IFT88: variants seen among roughly 807,000 people sequenced by gnomAD.
IFT88 encodes intraflagellar transport 88, also known as intraflagellar transport protein 88 homolog.
A neutral mutation model predicts 119.5 loss-of-function variants in IFT88; 74 were observed. That is an observed-to-expected ratio of 0.62 (90% confidence interval 0.51 to 0.75). IFT88 has a LOEUF of 0.75. IFT88 is among the 30% of genes least tolerant of loss of function. IFT88 has a pLI of 0.00. For missense variants in IFT88, 961 were observed against 977.7 expected, an observed-to-expected ratio of 0.98 and a Z score of 0.23; for synonymous variants, 279 against 316.7, an observed-to-expected ratio of 0.88 and a Z score of 1.26.
rs73165480 is a variant in IFT88, at chr13:20,689,526, C to A, written c.2243-1179C>A. On this transcript the variant is annotated intron_variant, in intron 24 of 25. Coordinates refer to ENST00000351808, the MANE Select transcript of IFT88 (RefSeq NM_006531.5). ...GACATTGGTTGTCATATCTTATGTACCCATGAGTCAAAGAACTGTGTATGC... is the reference window on the plus strand; with the variant it reads ...GACATTGGTTGTCATATCTTATGTAACCATGAGTCAAAGAACTGTGTATGC... Among the ~76,000 whole-genome samples, 247 of 152,232 alleles carry A rather than the reference C, an allele frequency of 1.6e-3. No homozygotes were observed. In the Middle Eastern group the frequency reaches 0.024, roughly 15 times the overall value.
At chr13:20,666,118 A>G (rs1429103265) in intron 23 of IFT88, among the ~76,000 whole-genome samples, 3 of 152,220 alleles carry the variant, frequency 2.0e-5, no homozygotes, top group East Asian at 1.9e-4. Context: ...AATGCGTAGT[A>G]TGGTGGACAG....
chr13:20,576,588 G>T (rs1348217641), intron 2 of IFT88, among the ~76,000 whole-genome samples: 8 of 152,094 alleles, frequency 5.3e-5, no homozygotes, highest in African/African-American at 1.9e-4. Flanking sequence ...TCTGCATGTG[G>T]ATATTCAATT....
intron 17 of IFT88, 64 bp from the exon 18 acceptor site, chr13:20,641,226 T>C (rs373422441): frequency 4.7e-6 from 4 of 849,164 alleles, no homozygotes; most frequent in Non-Finnish European, 7.4e-6. Context: ...TATTCTGTTA[T>C]GTTAAATAAA....
intron 17 of IFT88, 58 bp from the exon 18 acceptor site, chr13:20,641,228 TTAAA>T (rs2049902077): frequency 2.3e-6 from 2 of 855,706 alleles, no homozygotes; most frequent in Non-Finnish European, 3.7e-6. Flanking sequence ...TTCTGTTATG[TTAAA>T]TAAATTAATA....
At chr13:20,594,181 C>A (rs1232199040) in intron 7 of IFT88, among the ~76,000 whole-genome samples, 3 of 152,068 alleles carry the variant, frequency 2.0e-5, no homozygotes, top group South Asian at 4.1e-4. Context: ...TAACATCATC[C>A]CTGGTCCAGC....
chr13:20,656,613 C>G (rs1015963679), intron 22 of IFT88, among the ~76,000 whole-genome samples, 183 bp downstream of exon 22: 1 of 151,902 alleles, frequency 6.6e-6, no homozygotes, highest in African/African-American at 2.4e-5. Flanking sequence ...TTTTATGTAA[C>G]TAATTGTTGA....
chr13:20,597,124 G>A lies in IFT88; in HGVS notation c.594+5G>A. 6.7e-7 allele frequency: 1 copy of A among 1,502,002 alleles called. No individual in the cohort carries two copies. The highest frequency in any genetic ancestry group is 9.1e-7 in the Non-Finnish European group (1 of 1,093,388). The allele number at this position is 1,502,002 out of a possible 1,614,324, so 93.0% of individuals were successfully genotyped here. On this transcript the variant is annotated splice_donor_5th_base_variant and intron_variant, in intron 9 of 25. Coordinates refer to ENST00000351808, the MANE Select transcript of IFT88 (RefSeq NM_006531.5). ...AATTTGGATTTAACTTACTCAGTAA[G>A]TATTGAAATATAACACAATTTTTAA...
intron 24 of IFT88, among the ~76,000 whole-genome samples, chr13:20,687,801 G>A (rs751797560): frequency 1.3e-5 from 2 of 152,184 alleles, no homozygotes; most frequent in Non-Finnish European, 2.9e-5. Flanking sequence ...GGCTGAGTTG[G>A]TAGCAAAGAA....
chr13:20,578,358 CT>C (rs1158499742), intron 2 of IFT88, among the ~76,000 whole-genome samples: 9,799 of 78,782 alleles, frequency 0.12, 385 homozygotes, highest in African/African-American at 0.16. Flanking sequence ...AGTCTTGTTA[CT>C]TTTTTTTTTT....
intron 14 of IFT88, among the ~76,000 whole-genome samples, chr13:20,622,071 G>C (rs2046623083): frequency 6.6e-6 from 1 of 152,182 alleles, no homozygotes; most frequent in African/African-American, 2.4e-5. Context: ...GGGACCAGAA[G>C]TGTTTTGGAT....
At chr13:20,620,562 CTTTATT>C (rs1341659053) in intron 14 of IFT88, among the ~76,000 whole-genome samples, 1 of 152,082 alleles carries the variant, frequency 6.6e-6, no homozygotes, top group African/African-American at 2.4e-5. Flanking sequence ...AGGTAGGACA[CTTTATT>C]TTTATTTTTG....
chr13:20,653,942 T>C lies in IFT88; in HGVS notation c.2002+14T>C, dbSNP rs754555731. Reference sequence around the variant, plus strand: ...TCAGAAGAAGTGGTAAATGCTTTAGTTTTATTCATTTTATAGATATTTTGC... The same window carrying C: ...TCAGAAGAAGTGGTAAATGCTTTAGCTTTATTCATTTTATAGATATTTTGC... On this transcript the variant is annotated intron_variant, in intron 21 of 25. Transcript: ENST00000351808. The C allele has an allele frequency of 6.6e-7, 1 of 1,506,946 alleles. No individual in the cohort carries two copies. The highest frequency in any genetic ancestry group is 1.2e-5 in the South Asian group (1 of 81,864). 93.3% of individuals were successfully genotyped at this position (1,506,946 alleles called of 1,614,324 possible).
chr13:20,645,312 A>T lies in IFT88; in HGVS notation c.1949+354A>T, dbSNP rs540447741. ...ACCATGTTGGCCAGGCTGGTCTCGA[A>T]CTCCTGACCTCAGGTGATCCACCTG... On this transcript the variant is annotated intron_variant, in intron 20 of 25. Coordinates refer to ENST00000351808, the MANE Select transcript of IFT88 (RefSeq NM_006531.5). Among the ~76,000 whole-genome samples, 8 of 151,954 alleles carry T rather than the reference A, an allele frequency of 5.3e-5. No individual in the cohort carries two copies. In the South Asian group the frequency reaches 1.5e-3, roughly 28 times the overall value.
At chr13:20,640,804 T>C (rs7332034) in intron 17 of IFT88, among the ~76,000 whole-genome samples, 34,853 of 151,824 alleles carry the variant, frequency 0.23, 5,415 homozygotes, top group East Asian at 0.7. Flanking sequence ...GTAGCATCTT[T>C]TGGTGTCTGC....
At chr13:20,577,081 C>A (rs1232000060) in intron 2 of IFT88, among the ~76,000 whole-genome samples, 3 of 152,010 alleles carry the variant, frequency 2.0e-5, no homozygotes, top group Admixed American at 2.0e-4. Context: ...ATTTTCACTT[C>A]TTTGGTTAAG....
chr13:20,683,681 ATT>A (rs1356343292), intron 24 of IFT88, among the ~76,000 whole-genome samples: 1 of 151,980 alleles, frequency 6.6e-6, no homozygotes, highest in Non-Finnish European at 1.5e-5. Context: ...CCTTTCATTC[ATT>A]TTTTTCCTTG....
chr13:20,667,912 C>T (rs2055019217), intron 23 of IFT88, among the ~76,000 whole-genome samples: 1 of 152,206 alleles, frequency 6.6e-6, no homozygotes, highest in African/African-American at 2.4e-5. Context: ...CCCAGGTGCT[C>T]TTCAAATCAG....
chr13:20,656,058 A>G (rs2052723463), intron 21 of IFT88, among the ~76,000 whole-genome samples: 1 of 141,634 alleles, frequency 7.1e-6, no homozygotes, highest in Non-Finnish European at 1.5e-5. Context: ...GTAGTACTTA[A>G]TGGTTGTGCC....
Position 20,656,122 on chromosome 13 carries a change from T to TAAAAAAAAGAA in IFT88, c.2003-235_2003-234insGAAAAAAAAAA. ...GCAACAGAGTGAGACCTCGTCTCTTTAAAAAAAAAAAAAAGGAAGAAGCTA... is the reference window on the plus strand; with the variant it reads ...GCAACAGAGTGAGACCTCGTCTCTTTAAAAAAAAGAAAAAAAAAAAAAAAAGGAAGAAGCTA... On this transcript the variant is annotated intron_variant, in intron 21 of 25. Coordinates refer to ENST00000351808, the MANE Select transcript of IFT88 (RefSeq NM_006531.5). Among the ~76,000 whole-genome samples, 4 of 104,784 alleles carry TAAAAAAAAGAA rather than the reference T, an allele frequency of 3.8e-5. 1 individual carries two copies. In the East Asian group the frequency reaches 1.2e-3, roughly 30 times the overall value. 68.7% of individuals were successfully genotyped at this position (104,784 alleles called of 152,430 possible).
Sources: gnomAD v4.1 joint callset for allele counts (sites outside exome capture counted in the v4.1 genomes callset) on GRCh38, gnomAD v4.1.1 for gene constraint, MANE v1.5 for transcripts, NCBI Gene and HGNC (gene_info 2026-07-23, HGNC 2026-07-21) for gene names.